The following EXT1 variants were observed in gnomAD, a reference collection of about 807,000 sequenced individuals.
EXT1 encodes the protein exostosin glycosyltransferase 1.
EXT1 carries 20 observed loss-of-function variants against 82.5 expected under a neutral mutation model. The ratio of observed to expected loss-of-function variants is 0.24; its 90% CI spans 0.17 to 0.35. EXT1 has a LOEUF of 0.35. Ranked by LOEUF, EXT1 falls within the 10% of genes least tolerant of loss-of-function variation. The pLI, the probability that EXT1 is intolerant of heterozygous loss-of-function variation, is 1.00. For synonymous variants in EXT1, 348 were observed against 350.8 expected, an observed-to-expected ratio of 0.99 and a Z score of 0.09; for missense variants, 757 against 936.5, an observed-to-expected ratio of 0.81 and a Z score of 2.50.
At chr8:118,054,615 A>G (rs1386517652) in intron 1 of EXT1, among the ~76,000 whole-genome samples, 1 of 152,162 alleles carries the variant, frequency 6.6e-6, no homozygotes, top group African/African-American at 2.4e-5. Flanking sequence ...ATTTTTCCCT[A>G]GGACTAAAGA....
chr8:117,963,441 C>T (rs1364119726), intron 1 of EXT1, among the ~76,000 whole-genome samples: 6 of 152,146 alleles, frequency 3.9e-5, no homozygotes, highest in South Asian at 2.1e-4. Context: ...CTTTTGAACA[C>T]GGCGCCTTCT....
chr8:118,108,884 C>G (rs1408223784), intron 1 of EXT1, among the ~76,000 whole-genome samples: 1 of 152,176 alleles, frequency 6.6e-6, no homozygotes, highest in Non-Finnish European at 1.5e-5. Flanking sequence ...ATTGCAAAAT[C>G]TGCCAACCTC....
intron 1 of EXT1, among the ~76,000 whole-genome samples, chr8:117,848,929 T>C (rs566844158): frequency 1.3e-5 from 2 of 152,058 alleles, no homozygotes; most frequent in African/African-American, 4.8e-5. Flanking sequence ...TCCTGGCACT[T>C]AGAATAATAA....
At chr8:117,814,243 G>A (rs1403622290) in intron 7 of EXT1, among the ~76,000 whole-genome samples, 4 of 129,444 alleles carry the variant, frequency 3.1e-5, no homozygotes, top group African/African-American at 1.0e-4. Flanking sequence ...TGGTGTGTGT[G>A]TGTGTGTGTG....
chr8:118,102,002 C>G (rs1416577711), intron 1 of EXT1, among the ~76,000 whole-genome samples: 1 of 151,186 alleles, frequency 6.6e-6, no homozygotes, highest in Non-Finnish European at 1.5e-5. Flanking sequence ...TGCTGTAGCT[C>G]ACGCCTGTAA....
At chr8:117,948,741 C>T (rs1389829498) in intron 1 of EXT1, among the ~76,000 whole-genome samples, 1 of 152,224 alleles carries the variant, frequency 6.6e-6, no homozygotes, top group Non-Finnish European at 1.5e-5. Flanking sequence ...AAAATGGGAT[C>T]ATTCCACTTG....
At chr8:118,104,456 G>T (rs1463083798) in intron 1 of EXT1, among the ~76,000 whole-genome samples, 4 of 152,106 alleles carry the variant, frequency 2.6e-5, no homozygotes, top group Admixed American at 2.6e-4. Context: ...TTCACATTAT[G>T]ACCTCGAGAG....
At chr8:117,827,148 T>C (rs891519406) in intron 4 of EXT1, among the ~76,000 whole-genome samples, 2 of 152,194 alleles carry the variant, frequency 1.3e-5, no homozygotes, top group South Asian at 2.1e-4. Context: ...TAGGTGGATA[T>C]AATGTTTTTG....
At chr8:117,990,604 C>A (rs942070912) in intron 1 of EXT1, among the ~76,000 whole-genome samples, 2 of 152,222 alleles carry the variant, frequency 1.3e-5, no homozygotes, top group Non-Finnish European at 2.9e-5. Context: ...ACCCACAGAT[C>A]CAGTGCTGGG....
chr8:118,080,538 CAA>C (rs1283707369), intron 1 of EXT1, among the ~76,000 whole-genome samples: 1 of 151,914 alleles, frequency 6.6e-6, no homozygotes, highest in Non-Finnish European at 1.5e-5. Flanking sequence ...TAGTTTTAAT[CAA>C]ATACTTAACC....
chr8:117,821,854 C>T (rs773273651), intron 5 of EXT1, among the ~76,000 whole-genome samples: 4 of 152,092 alleles, frequency 2.6e-5, no homozygotes, highest in Admixed American at 6.6e-5. Context: ...TAACAGTAGC[C>T]GGTGGTAGAG....
In EXT1 at chr8:118,110,071, GCCCAGACA is replaced by G; in HGVS notation, c.962+6_962+13del. 1 of 1,613,366 alleles carries G rather than the reference GCCCAGACA, an allele frequency of 6.2e-7. No homozygotes were observed. On this transcript the variant is annotated splice_donor_region_variant and intron_variant, in intron 1 of 10. Coordinates refer to ENST00000378204, the MANE Select transcript of EXT1 (RefSeq NM_000127.3). Reference sequence around the variant, plus strand: ...AAGGCTGACTCCCAAAGACACGCCAGCCCAGACACTTACTTCTCATACTCGGTGTTGTC... The same window carrying G: ...AAGGCTGACTCCCAAAGACACGCCAGCTTACTTCTCATACTCGGTGTTGTC...
At chr8:118,093,418 C>T (rs1289343697) in intron 1 of EXT1, among the ~76,000 whole-genome samples, 2 of 152,162 alleles carry the variant, frequency 1.3e-5, no homozygotes, top group African/African-American at 4.8e-5. Flanking sequence ...CATTCCATCT[C>T]ACTTTACTTA....
intron 1 of EXT1, among the ~76,000 whole-genome samples, chr8:117,924,799 G>A (rs1419802450): frequency 6.6e-6 from 1 of 152,174 alleles, no homozygotes; most frequent in African/African-American, 2.4e-5. Flanking sequence ...ATTGGAGTCT[G>A]CCAGTTCAAA....
At chr8:117,955,697 G>C (rs1014345417) in intron 1 of EXT1, among the ~76,000 whole-genome samples, 3 of 152,064 alleles carry the variant, frequency 2.0e-5, no homozygotes, top group African/African-American at 4.8e-5. Flanking sequence ...CTGGGACTAC[G>C]GGCAGGAGCC....
At chr8:118,047,064 A>G (rs1321358545) in intron 1 of EXT1, among the ~76,000 whole-genome samples, 1 of 151,972 alleles carries the variant, frequency 6.6e-6, no homozygotes, top group Admixed American at 6.5e-5. Context: ...ATTTTACTCC[A>G]AAAATGGGGT....
chr8:118,061,871 A>G (rs1156727030), intron 1 of EXT1, among the ~76,000 whole-genome samples: 1 of 152,224 alleles, frequency 6.6e-6, no homozygotes, highest in Non-Finnish European at 1.5e-5. Context: ...CTTAAGAAAA[A>G]TTAATAGCAA....
At chr8:117,868,547 G>T (rs1812812972) in intron 1 of EXT1, among the ~76,000 whole-genome samples, 2 of 152,100 alleles carry the variant, frequency 1.3e-5, no homozygotes, top group Non-Finnish European at 2.9e-5. Context: ...AACCTACCAG[G>T]CTCAAGAAAT....
intron 1 of EXT1, among the ~76,000 whole-genome samples, chr8:117,949,146 A>C (rs11562687): frequency 0.087 from 13,263 of 152,216 alleles, 1,499 homozygotes; most frequent in African/African-American, 0.26. Context: ...ATCTCATGCT[A>C]ACCCTCAGAA....
Sources: gnomAD v4.1 joint callset for allele counts (sites outside exome capture counted in the v4.1 genomes callset) on GRCh38, gnomAD v4.1.1 for gene constraint, MANE v1.5 for transcripts, NCBI Gene and HGNC (gene_info 2026-07-23, HGNC 2026-07-21) for gene names.